TTC13: variants seen among roughly 807,000 people sequenced by gnomAD.
The protein encoded by TTC13 is tetratricopeptide repeat protein 13.
In TTC13, 62 loss-of-function variants were observed where a neutral mutation model predicts 120.0. That is an observed-to-expected ratio of 0.52 (90% CI 0.42 to 0.64). TTC13 has a LOEUF of 0.64. TTC13 is among the 30% of genes least tolerant of loss of function. The pLI, the probability that TTC13 is intolerant of heterozygous loss-of-function variation, is 0.00. For synonymous variants in TTC13, 384 were observed against 393.5 expected, an observed-to-expected ratio of 0.98 and a Z score of 0.28; for missense variants, 824 against 1,050.2, an observed-to-expected ratio of 0.78 and a Z score of 2.98.
In TTC13 at chr1:230,928,968, C is replaced by T. The variant is rs533722321; in HGVS notation, c.1426G>A (p.Glu476Lys). 6.2e-6 allele frequency: 10 copies of T among 1,614,044 alleles called. No homozygotes were observed. The highest frequency in any genetic ancestry group is 4.4e-5 in the South Asian group (4 of 91,064). ...KNLPFLIEDYEEQPGLQPHIK... is the reference protein window; with the variant it reads ...KNLPFLIEDYKEQPGLQPHIK... The stretch of plus-strand genomic sequence containing the variant: ...TGGGGTTGCAACCCTGGCTGCTCTT[C>T]GTAGTCTTCTATGAGGAAAGGCAAA... The change falls in exon 12 of 23, where the codon GAA becomes AAA. Residue 476 changes from glutamate (E) to lysine (K), a missense_variant. Physicochemically the swap from Glu to Lys is moderately conservative, Grantham distance 56. Transcript: ENST00000366661.
At position 230,929,070 on chromosome 1, in the gene TTC13, G is replaced by A. The variant is rs776676694; in HGVS notation, c.1324C>T (p.His442Tyr). The change falls in exon 12 of 23, where the codon CAC (histidine) becomes TAC (tyrosine). Residue 442 changes from histidine (H) to tyrosine (Y), a missense_variant. Physicochemically the swap from His to Tyr is moderately conservative, Grantham distance 83 (BLOSUM62 2). Coordinates refer to ENST00000366661, the MANE Select transcript of TTC13 (RefSeq NM_024525.5). Reference sequence around the variant, plus strand: ...TATTCCGTAAGGGGGGTATCAAGGTGTGCATGAAGATATCGAGAATACTCT... The same window carrying A: ...TATTCCGTAAGGGGGGTATCAAGGTATGCATGAAGATATCGAGAATACTCT... ...LREYSRYLHAHLDTPLTEYNI... is the reference protein window; with the variant it reads ...LREYSRYLHAYLDTPLTEYNI... 1.9e-6 allele frequency: 3 copies of A among 1,613,930 alleles called. No individual in the cohort carries two copies. The highest frequency in any genetic ancestry group is 1.7e-6 in the Non-Finnish European group (2 of 1,179,996).
chr1:230,911,502 A>G lies in TTC13; in HGVS notation c.2277T>C (p.Phe759=), dbSNP rs774550218. The part of the protein sequence containing the change: ...CNLILSLVYY[F]YNLMPLSRGS... ...CTCGAGAGAGTGGCATTAAATTATA[A>G]AAGTAATAAACTAAGGATAAGATTA... Residue 759 remains phenylalanine, a synonymous_variant, in exon 20 of 23, where the codon TTT becomes TTC. Coordinates refer to ENST00000366661, the MANE Select transcript of TTC13 (RefSeq NM_024525.5). The G allele has an allele frequency of 2.5e-6, 4 of 1,605,416 alleles. No individual in the cohort carries two copies. The African/African-American group carries it at 5.4e-5, about 22-fold the overall frequency.
At chr1:230,956,161 G>T (rs532377874) in intron 3 of TTC13, among the ~76,000 whole-genome samples, 1 of 152,350 alleles carries the variant, frequency 6.6e-6, no homozygotes, top group South Asian at 2.1e-4. Flanking sequence ...AGCTGTCCAA[G>T]GACCATAAGC....
In TTC13 at chr1:230,976,396, AC is replaced by A. The variant is rs568938301; in HGVS notation, c.271+2163del. ...ACAGGTTTCATAGGGTCCAGCTTCTACATAGTTGTCCAGGGCGAAGAGGGAG... is the reference window on the plus strand; with the variant it reads ...ACAGGTTTCATAGGGTCCAGCTTCTAATAGTTGTCCAGGGCGAAGAGGGAG... On this transcript the variant is annotated intron_variant, in intron 1 of 22. Coordinates refer to ENST00000366661, the MANE Select transcript of TTC13 (RefSeq NM_024525.5). 1.7e-3 allele frequency among the ~76,000 whole-genome samples: 257 copies of A among 152,344 alleles called. 1 individual carries two copies. The highest frequency in any genetic ancestry group is 5.8e-3 in the African/African-American group (243 of 41,586).
rs780569839 is a variant in TTC13, at chr1:230,940,493, G to A, written c.736C>T (p.Gln246Ter). Residue 246 changes from glutamine (Q) to a stop codon, truncating the protein, a stop_gained, in exon 7 of 23, where the codon CAG becomes TAG. Transcript: ENST00000366661. LOFTEE classifies it high-confidence loss of function. The surrounding 1 kb of genome is among the most constrained non-coding windows in gnomAD (Gnocchi z 4.1). ...VNDLTKAIQLQPSARLYRHRG... is the reference protein window; with the variant it reads ...VNDLTKAIQL ...TGTCTGTACAGCCGTGCTGAGGGCT[G>A]CAGTTGGATAGCTTTAGTGAGGTCA... 1 of 1,613,934 alleles carries A rather than the reference G, an allele frequency of 6.2e-7. No homozygotes were observed. Among genetic ancestry groups the A allele is most frequent in the African/African-American group, 1.3e-5 (1 of 75,058 alleles).
At chr1:230,910,480 G>T (rs1362662763) in intron 20 of TTC13, among the ~76,000 whole-genome samples, 1 of 152,212 alleles carries the variant, frequency 6.6e-6, no homozygotes, top group Non-Finnish European at 1.5e-5. Context: ...AGCTGTGGCG[G>T]GTACAGGGAA....
At chr1:230,947,561 TA>T (rs111729455) in intron 4 of TTC13, among the ~76,000 whole-genome samples, 309 of 142,758 alleles carry the variant, frequency 2.2e-3, no homozygotes, top group South Asian at 2.9e-3. Context: ...ACTAATGAGC[TA>T]AAAAAAAAAA....
chr1:230,910,904 G>A (rs1217535834), intron 20 of TTC13, among the ~76,000 whole-genome samples: 1 of 152,200 alleles, frequency 6.6e-6, no homozygotes, highest in Non-Finnish European at 1.5e-5. Context: ...TGCCAGTAAT[G>A]GCAAAAGGCC....
chr1:230,969,902 T>C (rs1400488135), intron 1 of TTC13, among the ~76,000 whole-genome samples: 1 of 152,254 alleles, frequency 6.6e-6, no homozygotes, highest in Non-Finnish European at 1.5e-5. Flanking sequence ...TAAATTTTTC[T>C]ATCTGCTTTC....
At chr1:230,947,643 G>C (rs6688603) in intron 4 of TTC13, among the ~76,000 whole-genome samples, 103,559 of 151,976 alleles carry the variant, frequency 0.68, 35,378 homozygotes, top group Admixed American at 0.72. Flanking sequence ...TGGGCTGCAT[G>C]TGGCCCATGG....
At chr1:230,914,450 A>G (rs1441118641) in intron 18 of TTC13, among the ~76,000 whole-genome samples, 3 of 151,880 alleles carry the variant, frequency 2.0e-5, no homozygotes, top group African/African-American at 7.3e-5. Flanking sequence ...GCTGGAGTGC[A>G]GTGGCATGAT....
intron 9 of TTC13, among the ~76,000 whole-genome samples, chr1:230,932,296 AT>A (rs34062590): frequency 0.084 from 12,370 of 146,454 alleles, 578 homozygotes; most frequent in Non-Finnish European, 0.12. Flanking sequence ...TTAAAAATGC[AT>A]TTTTTTTTTT....
At chr1:230,974,093 A>C (rs536504644) in intron 1 of TTC13, among the ~76,000 whole-genome samples, 1 of 150,396 alleles carries the variant, frequency 6.6e-6, no homozygotes, top group African/African-American at 2.4e-5. Flanking sequence ...AAAAAAAAAG[A>C]AGAGCAGAGA....
chr1:230,925,008 C>T (rs1672933010), intron 13 of TTC13, 35 bp from the exon 14 acceptor site: 2 of 1,611,560 alleles, frequency 1.2e-6, no homozygotes, highest in African/African-American at 2.7e-5. Flanking sequence ...AGTTAGTACA[C>T]TTTAGAGGGA....
At position 230,961,226 on chromosome 1, in the gene TTC13, T is replaced by G. The variant is rs113593693; in HGVS notation, c.349A>C (p.Asn117His). The change falls in exon 2 of 23, where the codon AAC becomes CAC. Residue 117 changes from asparagine to histidine, a missense_variant. Around this residue, in one of 4 missense-constraint regions of TTC13, gnomAD observed 8 missense variants for 27.1 expected, o/e 0.30. Transcript: ENST00000366661. Reference sequence around the variant, plus strand: ...ATGCATACCAGAATCTTCTCAGTGTTGAGGGAAAGCAAGGAGTCACAGGGT... The same window carrying G: ...ATGCATACCAGAATCTTCTCAGTGTGGAGGGAAAGCAAGGAGTCACAGGGT... ...SSPCDSLLSL[N>H]TEKILSQAKS... The G allele has an allele frequency of 6.2e-7, 1 of 1,613,900 alleles. No homozygotes were observed. The highest frequency in any genetic ancestry group is 1.1e-5 in the South Asian group (1 of 91,036).
chr1:230,915,004 C>T (rs1671878257), intron 18 of TTC13, among the ~76,000 whole-genome samples: 1 of 152,240 alleles, frequency 6.6e-6, no homozygotes, highest in South Asian at 2.1e-4. Context: ...GGTAGGAGAA[C>T]ACTTTTTATG....
intron 22 of TTC13, among the ~76,000 whole-genome samples, chr1:230,907,490 T>G (rs552049958): frequency 1.3e-5 from 2 of 152,246 alleles, no homozygotes; most frequent in Admixed American, 1.3e-4. Context: ...TAAGGTAGCA[T>G]TGTTATTCTT....
At position 230,967,126 on chromosome 1, in the gene TTC13, G is replaced by A. The variant is rs113315396; in HGVS notation, c.272-5823C>T. On this transcript the variant is annotated intron_variant, in intron 1 of 22. Coordinates refer to ENST00000366661, the MANE Select transcript of TTC13 (RefSeq NM_024525.5). ...CAGCTGGTAACTGTATTATCTGCAC[G>A]TAATTTTATCAAGGTCTTTTAAAAT... 4.5e-3 allele frequency among the ~76,000 whole-genome samples: 691 copies of A among 151,994 alleles called. 4 individuals carry two copies. Among genetic ancestry groups the A allele is most frequent in the Non-Finnish European group, 7.4e-3 (505 of 67,982 alleles).
At chr1:230,918,203 C>A (rs1041626842) in intron 17 of TTC13, among the ~76,000 whole-genome samples, 1 of 152,162 alleles carries the variant, frequency 6.6e-6, no homozygotes, top group African/African-American at 2.4e-5. Flanking sequence ...ACTGAATTTG[C>A]CAGGAATGCA....
Sources: gnomAD v4.1 joint callset for allele counts (sites outside exome capture counted in the v4.1 genomes callset) on GRCh38, gnomAD v4.1.1 for gene constraint, gnomAD v4.1.1 regional missense constraint, Gnocchi (gnomAD v3.1) non-coding constraint, MANE v1.5 for transcripts, NCBI Gene and HGNC (gene_info 2026-07-23, HGNC 2026-07-21) for gene names.